TNR: variants seen among roughly 807,000 people sequenced by gnomAD.
The protein encoded by TNR is tenascin-R.
Under a neutral mutation model 150.4 loss-of-function variants are expected in TNR, and 45 were observed. The observed-to-expected ratio is 0.30, with a 90% CI of 0.24 to 0.38. TNR has a LOEUF of 0.38. Among genes scored for constraint, TNR ranks in the 10% least tolerant of loss-of-function variants. The probability of loss-of-function intolerance (pLI) is 1.00; values close to 1 mark genes in which losing one functional copy is unlikely to be tolerated. For synonymous variants in TNR, 687 were observed against 678.4 expected (o/e 1.01, Z -0.20); for missense variants, 1,544 against 1,759.1 (o/e 0.88, Z 2.19).
chr1:175,645,539 A>G (rs1046969162), intron 1 of TNR, among the ~76,000 whole-genome samples: 2 of 152,240 alleles, frequency 1.3e-5, no homozygotes, highest in African/African-American at 4.8e-5. Context: ...GAACGACATA[A>G]TGGACAATAT....
chr1:175,666,137 A>G (rs1665526452), intron 1 of TNR, among the ~76,000 whole-genome samples: 1 of 152,218 alleles, frequency 6.6e-6, no homozygotes, highest in African/African-American at 2.4e-5. Flanking sequence ...CCTGAAAGGT[A>G]AGTATTATTT....
intron 1 of TNR, among the ~76,000 whole-genome samples, chr1:175,544,509 A>G (rs1011441189): frequency 6.6e-6 from 1 of 152,226 alleles, no homozygotes; most frequent in African/African-American, 2.4e-5. Flanking sequence ...AGATAAGAAA[A>G]TGAGTTGAAT....
At chr1:175,332,537 T>A (rs879231341) in intron 20 of TNR, among the ~76,000 whole-genome samples, 2 of 152,186 alleles carry the variant, frequency 1.3e-5, no homozygotes, top group Admixed American at 1.3e-4. Flanking sequence ...ACACCAGGCC[T>A]AGCATCTTCA....
rs534161857 is a variant in TNR at position 175,393,309 on chromosome 1, A to G, written c.1356+471T>C. ...CAGGAGAGCCAAGGTGTTTTGTTTT[A>G]TGTCTGTAACCTTTAGGGATTGATG... On this transcript the variant is annotated intron_variant, in intron 6 of 22. Coordinates refer to ENST00000367674, the MANE Select transcript of TNR (RefSeq NM_003285.3). Among the ~76,000 whole-genome samples the G allele has an allele frequency of 7.9e-5, 12 of 152,314 alleles. No individual in the cohort carries two copies. In the East Asian group the frequency reaches 2.3e-3, roughly 29 times the overall value.
Position 175,316,263 on chromosome 1 carries a change from A to G in TNR, c.*7094T>C, listed in dbSNP as rs1474932091. 5 of 152,224 alleles carry G rather than the reference A, an allele frequency of 3.3e-5. No individual in the cohort carries two copies. Among genetic ancestry groups the G allele is most frequent in the Non-Finnish European group, 7.3e-5 (5 of 68,034 alleles). The allele number at this position is 152,224 out of a possible 1,614,324, so 9.4% of individuals were successfully genotyped here. A position where few individuals can be genotyped will look rare whatever the true frequency, so the allele number is the denominator to read the frequency against. On this transcript the variant is annotated 3_prime_UTR_variant, in exon 23 of 23. Coordinates refer to ENST00000367674, the MANE Select transcript of TNR (RefSeq NM_003285.3). ...GTCTTCTGATGCCTTCCCACCCACT[A>G]GGGATGTGGGGCAGGTAAGGAGTGG...
At position 175,335,699 on chromosome 1, in the gene TNR, AG is replaced by A. The variant is rs764626964; in HGVS notation, c.3631+11del. The A allele has an allele frequency of 1.1e-5, 18 of 1,609,332 alleles. No individual in the cohort carries two copies. The African/African-American group carries it at 2.1e-4, about 19-fold the overall frequency. On this transcript the variant is annotated intron_variant, in intron 20 of 22. Transcript: ENST00000367674. ...AGAAGCACATCAATGGAAAGCAATA[AG>A]GAGGCTTTACCCAGCCAGAACTCAT...
chr1:175,333,037 T>G (rs1650026490), intron 20 of TNR, among the ~76,000 whole-genome samples: 1 of 152,226 alleles, frequency 6.6e-6, no homozygotes, highest in Admixed American at 6.5e-5. Context: ...AGTGTTTTAG[T>G]GGTTTGTTTA....
intron 1 of TNR, among the ~76,000 whole-genome samples, chr1:175,711,892 T>G (rs980157135): frequency 6.6e-6 from 1 of 152,194 alleles, no homozygotes; most frequent in Non-Finnish European, 1.5e-5. Flanking sequence ...AAGTTCAGTT[T>G]TGAACTTGCT....
chr1:175,658,539 A>G lies in TNR; in HGVS notation c.-165+84687T>C, dbSNP rs142918347. Among the ~76,000 whole-genome samples, 33 of 152,326 alleles carry G rather than the reference A, an allele frequency of 2.2e-4. 1 individual carries two copies. The East Asian group carries it at 6.4e-3, about 29-fold the overall frequency. On this transcript the variant is annotated intron_variant, in intron 1 of 22. Transcript: ENST00000367674. The stretch of plus-strand genomic sequence containing the variant: ...ATGGGCTGCAAAGGCCTGGCCAGGA[A>G]CACACAGGGAGGTGCTAAGTAGCTT...
rs779560201 is a variant in TNR, at chr1:175,365,218, A to G, written c.2379T>C (p.Thr793=). ...CTGCTGGGGGAGATGGATCACTCCA[A>G]GTGATGTTCACACTGGAGGAGGTCA... The part of the protein sequence containing the change: ...SHVTSSSVNI[T]WSDPSPPADR... The change falls in exon 12 of 23, where the codon ACT becomes ACC. Residue 793 remains threonine (T), a synonymous_variant. Transcript: ENST00000367674. The G allele has an allele frequency of 3.7e-6, 6 of 1,613,946 alleles. No individual in the cohort carries two copies. In the East Asian group the frequency reaches 1.3e-4, roughly 36 times the overall value.
intron 1 of TNR, among the ~76,000 whole-genome samples, chr1:175,729,600 TCCTC>T (rs1667578392): frequency 2.6e-5 from 4 of 152,110 alleles, no homozygotes; most frequent in Admixed American, 2.6e-4. Context: ...GTCTCTTCCT[TCCTC>T]CCTCCCTCCC....
chr1:175,565,928 G>T (rs1029009752), intron 1 of TNR, among the ~76,000 whole-genome samples: 2 of 152,182 alleles, frequency 1.3e-5, no homozygotes, highest in Non-Finnish European at 2.9e-5. Context: ...ACTGGACTCA[G>T]ACCTGGCCCT....
intron 8 of TNR, 48 bp downstream of exon 8, chr1:175,385,984 C>T (rs760826614): frequency 6.6e-7 from 1 of 1,522,104 alleles, no homozygotes; most frequent in Non-Finnish European, 8.8e-7. Flanking sequence ...CCGGTTGGCT[C>T]CACCCCTCTT....
In TNR at chr1:175,318,424, A is replaced by G. The variant is rs1648902281; in HGVS notation, c.*4933T>C. The G allele has an allele frequency of 6.6e-6, 1 of 152,240 alleles. No individual in the cohort carries two copies. Among genetic ancestry groups the G allele is most frequent in the Admixed American group, 6.5e-5 (1 of 15,286 alleles). The allele number at this position is 152,240 out of a possible 1,614,324, so 9.4% of individuals were successfully genotyped here. On this transcript the variant is annotated 3_prime_UTR_variant, in exon 23 of 23. Transcript: ENST00000367674. Reference sequence around the variant, plus strand: ...ATCCAGAGTGGATACAATTAGAAAGAACCAGAGACATTTTTTCAAATTGGA... The same window carrying G: ...ATCCAGAGTGGATACAATTAGAAAGGACCAGAGACATTTTTTCAAATTGGA...
chr1:175,368,913 C>A (rs1051966921), intron 9 of TNR, among the ~76,000 whole-genome samples: 1 of 152,288 alleles, frequency 6.6e-6, no homozygotes, highest in South Asian at 2.1e-4. Flanking sequence ...CATGCCACTG[C>A]ACTCCAGCCT....
chr1:175,645,221 T>G (rs1481324492), intron 1 of TNR, among the ~76,000 whole-genome samples: 2 of 152,132 alleles, frequency 1.3e-5, no homozygotes, highest in African/African-American at 4.8e-5. Context: ...ACTATTTTAA[T>G]CAACATACAA....
At chr1:175,403,716 A>C in intron 3 of TNR, 100 bp from the exon 4 acceptor site, 1 of 981,296 alleles carries the variant, frequency 1.0e-6, no homozygotes, top group Non-Finnish European at 1.5e-6. Context: ...TTCTCTGACC[A>C]GATTTCTGTT....
At chr1:175,615,482 C>T (rs190385109) in intron 1 of TNR, among the ~76,000 whole-genome samples, 13 of 152,218 alleles carry the variant, frequency 8.5e-5, no homozygotes, top group African/African-American at 3.1e-4. Context: ...GCCCCTTACA[C>T]AGGCAGGGAT....
At chr1:175,566,918 A>G (rs776065478) in intron 1 of TNR, among the ~76,000 whole-genome samples, 5 of 152,194 alleles carry the variant, frequency 3.3e-5, no homozygotes, top group African/African-American at 1.2e-4. Flanking sequence ...AATGCATCAA[A>G]TCATGTCTGC....
Sources: allele counts gnomAD v4.1 joint callset (sites outside exome capture counted in the v4.1 genomes callset), GRCh38; gene constraint gnomAD v4.1.1; transcripts MANE v1.5; gene names NCBI Gene and HGNC (gene_info 2026-07-23, HGNC 2026-07-21).